Variants in LRP1B observed in about 807,000 individuals in gnomAD.
LRP1B encodes the protein low-density lipoprotein receptor-related protein 1B.
In LRP1B, 217 loss-of-function variants were observed where a neutral mutation model predicts 556.6. The observed-to-expected ratio is 0.39, with a 90% CI of 0.35 to 0.44. LRP1B has a LOEUF of 0.44. Ranked by LOEUF, LRP1B falls within the 20% of genes least tolerant of loss-of-function variation. LRP1B has a pLI of 1.00. For missense variants in LRP1B, 5,053 were observed against 5,620.8 expected, an observed-to-expected ratio of 0.90 and a Z score of 3.23; for synonymous variants, 2,047 against 1,865.8, an observed-to-expected ratio of 1.10 and a Z score of -2.50.
At chr2:141,568,259 T>C (rs2105258925) in intron 2 of LRP1B, among the ~76,000 whole-genome samples, 1 of 151,232 alleles carries the variant, frequency 6.6e-6, no homozygotes, top group African/African-American at 2.4e-5. Flanking sequence ...TAATTTTACA[T>C]ACATTTTCTC....
intron 1 of LRP1B, among the ~76,000 whole-genome samples, chr2:141,917,948 T>C (rs1000470814): frequency 2.6e-5 from 4 of 152,096 alleles, no homozygotes; most frequent in African/African-American, 7.2e-5. Context: ...AATGGGAGAA[T>C]TGTTGAGTAA....
rs141480990 is a variant in LRP1B, at chr2:141,239,845, A to G, written c.592+7381T>C. Among the ~76,000 whole-genome samples, 35 of 152,174 alleles carry G rather than the reference A, an allele frequency of 2.3e-4. No individual in the cohort carries two copies. In the Middle Eastern group the frequency reaches 0.017, roughly 74 times the overall value. On this transcript the variant is annotated intron_variant, in intron 5 of 90. Transcript: ENST00000389484. ...TGGGAAAAAGTAAAGGTCATTTAAT[A>G]TATTTCACTGTTGTCTGACAAGGAT...
intron 35 of LRP1B, among the ~76,000 whole-genome samples, chr2:140,725,450 T>C (rs970855656): frequency 5.4e-5 from 8 of 147,926 alleles, no homozygotes; most frequent in African/African-American, 2.0e-4. Context: ...ACATTTATTA[T>C]AATAGCGTAA....
chr2:141,772,920 G>A (rs376477604), intron 2 of LRP1B, among the ~76,000 whole-genome samples: 35 of 152,294 alleles, frequency 2.3e-4, no homozygotes, highest in African/African-American at 8.2e-4. Flanking sequence ...GGAGCCCACA[G>A]TTCTCCTGTC....
At chr2:141,477,298 G>GAAA (rs370141220) in intron 3 of LRP1B, among the ~76,000 whole-genome samples, 1 of 142,160 alleles carries the variant, frequency 7.0e-6, no homozygotes, top group Non-Finnish European at 1.5e-5. Context: ...AATTGTTCTG[G>GAAA]AAAAAAAAAA....
intron 35 of LRP1B, among the ~76,000 whole-genome samples, chr2:140,766,841 AT>A (rs1559106336): frequency 1.6e-3 from 26 of 15,788 alleles, no homozygotes; most frequent in South Asian, 7.5e-3. Flanking sequence ...ATATATATAT[AT>A]ATTATATATA....
intron 20 of LRP1B, among the ~76,000 whole-genome samples, chr2:140,926,590 G>A (rs935603321): frequency 5.3e-5 from 8 of 152,038 alleles, no homozygotes; most frequent in East Asian, 1.9e-4. Flanking sequence ...AGATTCTCCC[G>A]CCTCAGTCTC....
At chr2:140,887,319 C>G (rs924908837) in intron 23 of LRP1B, among the ~76,000 whole-genome samples, 2 of 152,070 alleles carry the variant, frequency 1.3e-5, no homozygotes, top group African/African-American at 2.4e-5. Flanking sequence ...GAAAAATTAC[C>G]TAATTTTGGA....
chr2:141,823,103 C>T (rs751455483), intron 1 of LRP1B, among the ~76,000 whole-genome samples: 30 of 152,124 alleles, frequency 2.0e-4, no homozygotes, highest in Non-Finnish European at 3.5e-4. Flanking sequence ...TGCTTGCTTT[C>T]CCCATCTCTC....
intron 3 of LRP1B, among the ~76,000 whole-genome samples, chr2:141,379,809 TCCC>T (rs1351228181): frequency 2.6e-5 from 4 of 151,896 alleles, no homozygotes; most frequent in African/African-American, 9.7e-5. Flanking sequence ...CCACAGCTTT[TCCC>T]CCTAGGCAAG....
intron 3 of LRP1B, among the ~76,000 whole-genome samples, chr2:141,426,352 C>T (rs545469573): frequency 5.9e-5 from 9 of 151,968 alleles, no homozygotes; most frequent in South Asian, 2.1e-4. Flanking sequence ...AGTCAGGTAG[C>T]GTGATGCCTC....
intron 2 of LRP1B, among the ~76,000 whole-genome samples, chr2:141,553,923 A>C (rs866802298): frequency 4.1e-4 from 56 of 137,640 alleles, no homozygotes; most frequent in South Asian, 1.4e-3. Context: ...TAATATATCT[A>C]TATTAATATA....
At chr2:141,901,693 T>C (rs572453619) in intron 1 of LRP1B, among the ~76,000 whole-genome samples, 27 of 152,002 alleles carry the variant, frequency 1.8e-4, no homozygotes, top group African/African-American at 6.5e-4. Context: ...AAATATAGTA[T>C]GTGAGAAATT....
Position 141,390,011 on chromosome 2 carries a change from G to A in LRP1B, c.343+90385C>T, listed in dbSNP as rs1038232124. Among the ~76,000 whole-genome samples, 65 of 152,242 alleles carry A rather than the reference G, an allele frequency of 4.3e-4. 1 individual carries two copies. The highest frequency in any genetic ancestry group is 1.3e-3 in the African/African-American group (53 of 41,558). ...AAATTGGCCAGGAGTGATGGCATGT[G>A]CCTGTAATCCCAGCTACTCAGGGGG... On this transcript the variant is annotated intron_variant, in intron 3 of 90. Coordinates refer to ENST00000389484, the MANE Select transcript of LRP1B (RefSeq NM_018557.3).
chr2:140,765,643 C>T (rs1226277120), intron 35 of LRP1B, among the ~76,000 whole-genome samples: 1 of 151,868 alleles, frequency 6.6e-6, no homozygotes, highest in Non-Finnish European at 1.5e-5. Context: ...TTTTTTTCTT[C>T]TGTGGAGAGT....
chr2:141,695,598 C>A (rs72983811), intron 2 of LRP1B, among the ~76,000 whole-genome samples: 1,743 of 152,036 alleles, frequency 0.011, 34 homozygotes, highest in African/African-American at 0.04. Flanking sequence ...GTTTTCCTGA[C>A]TTCATCCCAA....
intron 32 of LRP1B, among the ~76,000 whole-genome samples, chr2:140,779,759 T>A (rs1481334245): frequency 8.0e-6 from 1 of 124,278 alleles, no homozygotes; most frequent in Admixed American, 7.9e-5. Context: ...TGAGAGAGTG[T>A]GTGTGTGTGT....
Position 141,049,884 on chromosome 2 carries a change from C to T in LRP1B, c.1553-662G>A, listed in dbSNP as rs760871680. On this transcript the variant is annotated intron_variant, in intron 10 of 90. Transcript: ENST00000389484. Reference sequence around the variant, plus strand: ...AACACAGGCCTTATCAAAAACAAAACGAAAATGAAAACCCCAAGCAAAAAA... The same window carrying T: ...AACACAGGCCTTATCAAAAACAAAATGAAAATGAAAACCCCAAGCAAAAAA... 4.6e-5 allele frequency among the ~76,000 whole-genome samples: 7 copies of T among 151,898 alleles called. No individual in the cohort carries two copies. In the East Asian group the frequency reaches 1.2e-3, roughly 25 times the overall value.
At chr2:141,525,002 C>T (rs755015359) in intron 2 of LRP1B, among the ~76,000 whole-genome samples, 3 of 152,080 alleles carry the variant, frequency 2.0e-5, no homozygotes, top group Non-Finnish European at 4.4e-5. Flanking sequence ...GTCATTTGGC[C>T]TGAAACACCT....
Sources: gnomAD v4.1 joint callset for allele counts (sites outside exome capture counted in the v4.1 genomes callset) on GRCh38, gnomAD v4.1.1 for gene constraint, MANE v1.5 for transcripts, NCBI Gene and HGNC (gene_info 2026-07-23, HGNC 2026-07-21) for gene names.